The following HCN1 variants were observed in gnomAD, a reference collection of about 807,000 sequenced individuals.
HCN1 encodes hyperpolarization activated cyclic nucleotide gated potassium channel 1.
In HCN1, 13 loss-of-function variants were observed where a neutral mutation model predicts 78.9. The ratio of observed to expected loss-of-function variants is 0.16; its 90% confidence interval spans 0.11 to 0.26. The LOEUF is 0.26. Ranked by LOEUF, HCN1 falls within the 10% of genes least tolerant of loss-of-function variation. The pLI is 1.00. For missense variants in HCN1, 810 were observed against 1,154.3 expected (o/e 0.70, Z 4.32); for synonymous variants, 552 against 455.5 (o/e 1.21, Z -2.70).
intron 2 of HCN1, among the ~76,000 whole-genome samples, chr5:45,608,363 G>GTA (rs1267669826): frequency 6.7e-6 from 1 of 150,100 alleles, no homozygotes; most frequent in Non-Finnish European, 1.5e-5. Context: ...GTGTATGTGT[G>GTA]TGTGTGTGTG....
At chr5:45,439,826 T>C (rs886543009) in intron 3 of HCN1, among the ~76,000 whole-genome samples, 2 of 151,810 alleles carry the variant, frequency 1.3e-5, no homozygotes, top group African/African-American at 2.4e-5. Flanking sequence ...CTGGAACAGA[T>C]GATATTGAAG....
chr5:45,451,444 G>C (rs1425633859), intron 3 of HCN1, among the ~76,000 whole-genome samples: 1 of 151,890 alleles, frequency 6.6e-6, no homozygotes, highest in African/African-American at 2.4e-5. Flanking sequence ...AATATTTACT[G>C]ATTTCAGGCA....
intron 2 of HCN1, among the ~76,000 whole-genome samples, chr5:45,597,933 G>C (rs1744539666): frequency 6.6e-6 from 1 of 152,032 alleles, no homozygotes; most frequent in African/African-American, 2.4e-5. Context: ...ACAAATGGAA[G>C]AACATTCCAT....
chr5:45,349,449 T>C lies in HCN1; in HGVS notation c.1377+3651A>G, dbSNP rs539591839. 4.0e-3 allele frequency among the ~76,000 whole-genome samples: 605 copies of C among 151,760 alleles called. 3 individuals are homozygous for C. The highest frequency in any genetic ancestry group is 0.014 in the African/African-American group (586 of 41,390). On this transcript the variant is annotated intron_variant, in intron 5 of 7. Coordinates refer to ENST00000303230, the MANE Select transcript of HCN1 (RefSeq NM_021072.4). ...AAGATCCAAATTTGACACCCTAACATCACAATTAAAAGAACTAGAAAAGCA... is the reference window on the plus strand; with the variant it reads ...AAGATCCAAATTTGACACCCTAACACCACAATTAAAAGAACTAGAAAAGCA...
chr5:45,294,619 C>A (rs1745451617), intron 6 of HCN1, among the ~76,000 whole-genome samples: 1 of 151,782 alleles, frequency 6.6e-6, no homozygotes, highest in Non-Finnish European at 1.5e-5. Context: ...TCTTTAAAAT[C>A]AAAGTATTGG....
At chr5:45,335,674 A>T (rs1200036674) in intron 5 of HCN1, among the ~76,000 whole-genome samples, 1 of 151,954 alleles carries the variant, frequency 6.6e-6, no homozygotes, top group African/African-American at 2.4e-5. Context: ...GCTCTATCCT[A>T]TTTTTCACTG....
chr5:45,559,839 T>C lies in HCN1; in HGVS notation c.849+85346A>G, dbSNP rs1353544362. The C allele has an allele frequency of 1.3e-5, 2 of 152,116 alleles. 1 individual carries two copies. Among genetic ancestry groups the C allele is most frequent in the African/African-American group, 4.8e-5 (2 of 41,410 alleles). 9.4% of individuals were successfully genotyped at this position (152,116 alleles called of 1,614,324 possible). On this transcript the variant is annotated intron_variant, in intron 2 of 7. Coordinates refer to ENST00000303230, the MANE Select transcript of HCN1 (RefSeq NM_021072.4). ...TTATGTGCTTCAGAGAAATATTTTA[T>C]GAAAAAAAGTCAATCAATGTGGGAA...
chr5:45,573,175 A>G (rs549024213), intron 2 of HCN1, among the ~76,000 whole-genome samples: 3 of 152,292 alleles, frequency 2.0e-5, no homozygotes, highest in African/African-American at 7.2e-5. Flanking sequence ...AAAGGACCTC[A>G]GCTTAAACAC....
chr5:45,571,175 C>A (rs1743823423), intron 2 of HCN1, among the ~76,000 whole-genome samples: 1 of 152,158 alleles, frequency 6.6e-6, no homozygotes, highest in Non-Finnish European at 1.5e-5. Flanking sequence ...CTCTTTCCTT[C>A]CTAATGACAT....
At chr5:45,380,019 G>A (rs1747771454) in intron 4 of HCN1, among the ~76,000 whole-genome samples, 1 of 152,042 alleles carries the variant, frequency 6.6e-6, no homozygotes, top group South Asian at 2.1e-4. Context: ...TGAGGAACAA[G>A]TTTGAAGAGT....
intron 1 of HCN1, among the ~76,000 whole-genome samples, chr5:45,663,442 A>C (rs376000905): frequency 1.8e-3 from 207 of 112,992 alleles, no homozygotes; most frequent in African/African-American, 7.1e-3. Context: ...GCAACAAAAG[A>C]CAAAATTGAC....
At chr5:45,584,262 T>G (rs1370062581) in intron 2 of HCN1, among the ~76,000 whole-genome samples, 1 of 152,218 alleles carries the variant, frequency 6.6e-6, no homozygotes, top group African/African-American at 2.4e-5. Context: ...CTTGTTGAAT[T>G]GATCCCTTTA....
At chr5:45,425,650 T>A (rs965374783) in intron 3 of HCN1, among the ~76,000 whole-genome samples, 6 of 152,214 alleles carry the variant, frequency 3.9e-5, no homozygotes, top group African/African-American at 1.4e-4. Flanking sequence ...TGAAGTAGTT[T>A]GAGCCATTTG....
intron 3 of HCN1, among the ~76,000 whole-genome samples, chr5:45,440,591 C>T (rs1193451207): frequency 9.9e-5 from 15 of 152,110 alleles, no homozygotes. Context: ...CCTTGCTAAC[C>T]CTGACTAGTT....
chr5:45,665,558 C>G (rs1169265777), intron 1 of HCN1, among the ~76,000 whole-genome samples: 2 of 151,822 alleles, frequency 1.3e-5, no homozygotes, highest in Non-Finnish European at 2.9e-5. Context: ...AAACAGAAAA[C>G]TTGTGAAGAA....
intron 3 of HCN1, among the ~76,000 whole-genome samples, chr5:45,430,394 G>GC (rs1308049997): frequency 1.3e-5 from 2 of 151,814 alleles, no homozygotes; most frequent in East Asian, 3.9e-4. Flanking sequence ...CAGGTAATCA[G>GC]CATAATAACA....
At chr5:45,369,839 C>T (rs533218170) in intron 4 of HCN1, among the ~76,000 whole-genome samples, 35 of 151,972 alleles carry the variant, frequency 2.3e-4, no homozygotes, top group African/African-American at 7.7e-4. Flanking sequence ...GTAATTATAG[C>T]GCAAGCTAAA....
intron 4 of HCN1, among the ~76,000 whole-genome samples, chr5:45,378,663 T>A (rs1747740387): frequency 6.6e-6 from 1 of 152,178 alleles, no homozygotes; most frequent in African/African-American, 2.4e-5. Context: ...AGGGTACATG[T>A]GCACAACGTG....
intron 3 of HCN1, among the ~76,000 whole-genome samples, chr5:45,428,515 A>G (rs1326647387): frequency 2.0e-5 from 3 of 152,096 alleles, no homozygotes; most frequent in African/African-American, 7.2e-5. Context: ...TAAATTTGTA[A>G]AAATGAATTA....
Sources: gnomAD v4.1 joint callset for allele counts (sites outside exome capture counted in the v4.1 genomes callset) on GRCh38, gnomAD v4.1.1 for gene constraint, MANE v1.5 for transcripts, NCBI Gene and HGNC (gene_info 2026-07-23, HGNC 2026-07-21) for gene names.